Variants in ZNF610 observed in about 807,000 individuals in gnomAD.
ZNF610 encodes zinc finger protein 610.
ZNF610 carries 14 observed loss-of-function variants against 14.1 expected under a neutral mutation model. The ratio of observed to expected loss-of-function variants is 0.99; its 90% confidence interval spans 0.65 to 1.55. The LOEUF (loss-of-function observed/expected upper bound fraction) is 1.55, where lower values mean the gene tolerates loss of function less well. Ranked by LOEUF, ZNF610 falls within the 40% of genes most tolerant of loss-of-function variation. The probability of loss-of-function intolerance (pLI) is 0.00; values close to 1 mark genes in which losing one functional copy is unlikely to be tolerated. For synonymous variants in ZNF610, 185 were observed against 187.6 expected (o/e 0.99, Z 0.11); for missense variants, 530 against 558.0 (o/e 0.95, Z 0.51).
chr19:52,360,566 T>C (rs1049683131), intron 5 of ZNF610, among the ~76,000 whole-genome samples: 3 of 152,252 alleles, frequency 2.0e-5, no homozygotes, highest in African/African-American at 4.8e-5. Flanking sequence ...GGCTTCTGTA[T>C]GTAAAGTAGA....
intron 1 of ZNF610, among the ~76,000 whole-genome samples, chr19:52,344,497 C>G (rs372615398): frequency 4.8e-4 from 73 of 152,304 alleles, no homozygotes; most frequent in African/African-American, 1.7e-3. Flanking sequence ...CTCAACCCCT[C>G]TGAGTGGAGC....
At position 52,366,276 on chromosome 19, in the gene ZNF610, T is replaced by G; in HGVS notation, c.898T>G (p.Cys300Gly). 1.2e-6 allele frequency: 2 copies of G among 1,612,500 alleles called. No homozygotes were observed. The highest frequency in any genetic ancestry group is 1.7e-6 in the Non-Finnish European group (2 of 1,179,210). Residue 300 changes from cysteine to glycine, a missense_variant, in exon 6 of 6, where the codon TGT becomes GGT. Transcript: ENST00000403906. ...CGAATGTGGCAAAGCTTTTAGAGAG[T>G]GTTCGGGACTTACTACCCATCTTGT... The part of the protein sequence containing the change: ...CNECGKAFRE[C>G]SGLTTHLVIH...
intron 1 of ZNF610, among the ~76,000 whole-genome samples, chr19:52,346,802 T>C (rs1421905936): frequency 6.6e-6 from 1 of 152,058 alleles, no homozygotes; most frequent in Non-Finnish European, 1.5e-5. Flanking sequence ...CGGTCTCGGC[T>C]CACTGGAACC....
intron 1 of ZNF610, among the ~76,000 whole-genome samples, chr19:52,345,818 C>T (rs1163186948): frequency 6.6e-6 from 1 of 152,012 alleles, no homozygotes; most frequent in Non-Finnish European, 1.5e-5. Flanking sequence ...CATTCTCCCA[C>T]CTCAGCCTCC....
intron 3 of ZNF610, among the ~76,000 whole-genome samples, chr19:52,353,199 C>T (rs1386976335): frequency 1.3e-5 from 2 of 152,174 alleles, no homozygotes; most frequent in Admixed American, 6.5e-5. Context: ...CTCGGCCTCC[C>T]GAAGTGCTGG....
chr19:52,357,612 T>C (rs1287390003), intron 5 of ZNF610, among the ~76,000 whole-genome samples: 1 of 114,976 alleles, frequency 8.7e-6, no homozygotes, highest in Non-Finnish European at 1.6e-5. Flanking sequence ...GCCACTGCAC[T>C]CCAGCCTGGG....
At chr19:52,353,466 G>C (rs552786360) in intron 3 of ZNF610, among the ~76,000 whole-genome samples, 33 of 152,290 alleles carry the variant, frequency 2.2e-4, no homozygotes, top group African/African-American at 7.2e-4. Flanking sequence ...CCAGGAGTTT[G>C]AGATCTTTCT....
Position 52,361,264 on chromosome 19 carries a change from C to A in ZNF610, c.320-4434C>A, listed in dbSNP as rs149952421. ...CGCGATCTCGGCTCACTGCAACCTC[C>A]GCCTCCCAGGTTCCAGTGATTCTCC... On this transcript the variant is annotated intron_variant, in intron 5 of 5. Coordinates refer to ENST00000403906, the MANE Select transcript of ZNF610 (RefSeq NM_001161425.2). 6.8e-4 allele frequency among the ~76,000 whole-genome samples: 103 copies of A among 151,810 alleles called. 1 individual carries two copies. The highest frequency in any genetic ancestry group is 7.2e-4 in the Admixed American group (11 of 15,234).
intron 5 of ZNF610, 49 bp downstream of exon 5, chr19:52,354,428 T>A (rs763753516): frequency 1.6e-5 from 25 of 1,587,368 alleles, no homozygotes; most frequent in Non-Finnish European, 2.0e-5. Context: ...TATTTTTTTA[T>A]TTTTGAGCCA....
chr19:52,353,865 C>G, intron 4 of ZNF610, 57 bp downstream of exon 4: 2 of 1,553,602 alleles, frequency 1.3e-6, no homozygotes, highest in Non-Finnish European at 1.7e-6. Flanking sequence ...TTTGCATTTT[C>G]TCTTGCGTGC....
Position 52,365,686 on chromosome 19 carries a change from C to T in ZNF610, c.320-12C>T. The T allele has an allele frequency of 6.3e-7, 1 of 1,584,618 alleles. No homozygotes were observed. The highest frequency in any genetic ancestry group is 8.6e-7 in the Non-Finnish European group (1 of 1,168,454). Reference sequence around the variant, plus strand: ...ATCATGGGTTCATGTTCTACTCTTTCTTCTTTTCTAGGGAGGAGCTGTGTA... The same window carrying T: ...ATCATGGGTTCATGTTCTACTCTTTTTTCTTTTCTAGGGAGGAGCTGTGTA... On this transcript the variant is annotated splice_polypyrimidine_tract_variant and intron_variant, in intron 5 of 5. Transcript: ENST00000403906.
chr19:52,348,323 A>G (rs1352515922), intron 2 of ZNF610: 1 of 152,192 alleles, frequency 6.6e-6, no homozygotes, highest in African/African-American at 2.4e-5. Context: ...GGATTAATGA[A>G]ATTTATAAAT....
At chr19:52,352,691 T>A (rs1985317330) in intron 3 of ZNF610, among the ~76,000 whole-genome samples, 2 of 152,174 alleles carry the variant, frequency 1.3e-5, no homozygotes, top group Admixed American at 6.5e-5. Flanking sequence ...CCTCTGCTTC[T>A]GGTCCCTGCT....
In ZNF610 at chr19:52,366,287, T is replaced by TA; in HGVS notation, c.910dup (p.Thr304AsnfsTer16). The TA allele has an allele frequency of 6.2e-7, 1 of 1,613,344 alleles. No homozygotes were observed. Among genetic ancestry groups the TA allele is most frequent in the Admixed American group, 1.7e-5 (1 of 59,982 alleles). ...AAGCTTTTAGAGAGTGTTCGGGACT[T>TA]ACTACCCATCTTGTAATCCATACTG... is the stretch of plus-strand genomic sequence containing the variant. On this transcript the variant is annotated frameshift_variant, in exon 6 of 6. Coordinates refer to ENST00000403906, the MANE Select transcript of ZNF610 (RefSeq NM_001161425.2). LOFTEE classifies it low-confidence loss of function (END_TRUNC).
At position 52,336,283 on chromosome 19, in the gene ZNF610, G is replaced by A; in HGVS notation, c.-481G>A. The A allele has an allele frequency of 3.6e-6, 1 of 276,022 alleles. No individual in the cohort carries two copies. Among genetic ancestry groups the A allele is most frequent in the Non-Finnish European group, 6.9e-6 (1 of 145,900 alleles). 17.1% of individuals were successfully genotyped at this position (276,022 alleles called of 1,614,324 possible). Reference sequence around the variant, plus strand: ...GATCGCGTGGGTAGAAGGTCACACCGCAGCGCGTCAGTTTCCCTTTGTTTA... The same window carrying A: ...GATCGCGTGGGTAGAAGGTCACACCACAGCGCGTCAGTTTCCCTTTGTTTA... On this transcript the variant is annotated 5_prime_UTR_variant, in exon 1 of 6. Coordinates refer to ENST00000403906, the MANE Select transcript of ZNF610 (RefSeq NM_001161425.2).
intron 3 of ZNF610, among the ~76,000 whole-genome samples, chr19:52,350,867 G>A (rs531331628): frequency 1.1e-4 from 17 of 151,938 alleles, no homozygotes; most frequent in Admixed American, 2.0e-4. Flanking sequence ...GGGCATGGTG[G>A]CACATGCCTG....
intron 1 of ZNF610, among the ~76,000 whole-genome samples, chr19:52,340,067 G>A (rs1418487178): frequency 6.6e-6 from 1 of 152,212 alleles, no homozygotes; most frequent in African/African-American, 2.4e-5. Flanking sequence ...GCAAAGTTGA[G>A]TTAACCTGTG....
At position 52,367,010 on chromosome 19, in the gene ZNF610, C is replaced by T. The variant is rs1986132964; in HGVS notation, c.*243C>T. 1 of 435,244 alleles carries T rather than the reference C, an allele frequency of 2.3e-6. No individual in the cohort carries two copies. Among genetic ancestry groups the T allele is most frequent in the South Asian group, 7.0e-5 (1 of 14,370 alleles). The allele number at this position is 435,244 out of a possible 1,614,324, so 27.0% of individuals were successfully genotyped here. On this transcript the variant is annotated 3_prime_UTR_variant, in exon 6 of 6. Coordinates refer to ENST00000403906, the MANE Select transcript of ZNF610 (RefSeq NM_001161425.2). ...CATTTAATGAAAACTACCAGTATAGCATATTCTTGAGTAGGATTCACATTT... is the reference window on the plus strand; with the variant it reads ...CATTTAATGAAAACTACCAGTATAGTATATTCTTGAGTAGGATTCACATTT...
At chr19:52,332,173 T>C (rs1242392503), upstream of ZNF610, among the ~76,000 whole-genome samples, 1 of 152,152 alleles carries the variant, frequency 6.6e-6, no homozygotes, top group Non-Finnish European at 1.5e-5. The surrounding 1 kb of genome is among the most constrained non-coding windows in gnomAD (Gnocchi z 4.1). Context: ...TGAATCAGGG[T>C]AACAAGGGGA....
Sources: allele counts gnomAD v4.1 joint callset (sites outside exome capture counted in the v4.1 genomes callset), GRCh38; gene constraint gnomAD v4.1.1; non-coding constraint Gnocchi (gnomAD v3.1); transcripts MANE v1.5; gene names NCBI Gene and HGNC (gene_info 2026-07-23, HGNC 2026-07-21).